The following ZFP3 variants were observed in gnomAD, a reference collection of about 807,000 sequenced individuals.
ZFP3 encodes ZFP3 zinc finger protein.
In ZFP3, 18 loss-of-function variants were observed where a neutral mutation model predicts 36.7. The observed-to-expected ratio is 0.49, with a 90% CI of 0.34 to 0.73. The LOEUF (loss-of-function observed/expected upper bound fraction) is 0.73. Ranked by LOEUF, ZFP3 falls within the 30% of genes least tolerant of loss-of-function variation. The pLI, the probability that ZFP3 is intolerant of heterozygous loss-of-function variation, is 0.01. For synonymous variants in ZFP3, 218 were observed against 199.0 expected, an observed-to-expected ratio of 1.10 and a Z score of -0.81; for missense variants, 495 against 599.0, an observed-to-expected ratio of 0.83 and a Z score of 1.81.
At position 5,093,885 on chromosome 17, in the gene ZFP3, G is replaced by T. The variant is rs2072164948; in HGVS notation, c.*872G>T. 6.0e-6 allele frequency: 1 copy of T among 167,168 alleles called. No homozygotes were observed. Among genetic ancestry groups the T allele is most frequent in the Non-Finnish European group, 1.5e-5 (1 of 68,154 alleles). 10.4% of individuals were successfully genotyped at this position (167,168 alleles called of 1,614,324 possible). A position where few individuals can be genotyped will look rare whatever the true frequency, so the allele number is the denominator to read the frequency against. On this transcript the variant is annotated 3_prime_UTR_variant, in exon 2 of 2. Transcript: ENST00000318833. The stretch of plus-strand genomic sequence containing the variant: ...TAAACAATTGAGGTCACACTGCTCG[G>T]CATGGGCAGAAGCAGCTCTTCAGGA...
intron 1 of ZFP3, among the ~76,000 whole-genome samples, chr17:5,087,675 G>T (rs2072128456): frequency 6.6e-6 from 1 of 152,164 alleles, no homozygotes; most frequent in Non-Finnish European, 1.5e-5. Flanking sequence ...GGAGGGAGTA[G>T]AGGTTACTGG....
intron 1 of ZFP3, among the ~76,000 whole-genome samples, chr17:5,081,076 T>A (rs1296936060): frequency 6.6e-6 from 1 of 151,244 alleles, no homozygotes; most frequent in African/African-American, 2.4e-5. Flanking sequence ...AATCCCAATG[T>A]TTTTTCTGTT....
rs1203908879 is a variant in ZFP3, at chr17:5,093,578, TAGAA to T, written c.*568_*571del. 1 of 166,024 alleles carries T rather than the reference TAGAA, an allele frequency of 6.0e-6. No individual in the cohort carries two copies. Among genetic ancestry groups the T allele is most frequent in the Non-Finnish European group, 1.5e-5 (1 of 68,016 alleles). The allele number at this position is 166,024 out of a possible 1,614,324, so 10.3% of individuals were successfully genotyped here. A position where few individuals can be genotyped will look rare whatever the true frequency, so the allele number is the denominator to read the frequency against. ...CATTGACTGTTACCCCCTGAAATAT[TAGAA>T]AGTCATAATTTAGAAGACACACCTC... On this transcript the variant is annotated 3_prime_UTR_variant, in exon 2 of 2. Coordinates refer to ENST00000318833, the MANE Select transcript of ZFP3 (RefSeq NM_153018.3).
rs1458050129 is a variant in ZFP3 at position 5,078,603 on chromosome 17, G to T, written c.-9+28G>T. ...GAGACCTCATTCCGTCGCGGCTGTG[G>T]GGGTAGGCGGGGGCTGGGCTCCCAG... is the stretch of plus-strand genomic sequence containing the variant. On this transcript the variant is annotated intron_variant, in intron 1 of 1. Coordinates refer to ENST00000318833, the MANE Select transcript of ZFP3 (RefSeq NM_153018.3). This position sits in a 1 kb window ranked among gnomAD's most constrained non-coding sequence, Gnocchi z 4.5. 4 of 152,564 alleles carry T rather than the reference G, an allele frequency of 2.6e-5. No homozygotes were observed. The highest frequency in any genetic ancestry group is 1.3e-4 in the Admixed American group (2 of 15,290). 9.5% of individuals were successfully genotyped at this position (152,564 alleles called of 1,614,324 possible).
rs2072119132 is a variant in ZFP3, at chr17:5,086,021, G to A, written c.-8-5476G>A. 2.6e-5 allele frequency among the ~76,000 whole-genome samples: 4 copies of A among 152,188 alleles called. 1 individual carries two copies. On this transcript the variant is annotated intron_variant, in intron 1 of 1. Coordinates refer to ENST00000318833, the MANE Select transcript of ZFP3 (RefSeq NM_153018.3). ...GAAGATAGCTAAATTCTCGACAATG[G>A]ATTCTTACAATTGTATAGATACACA...
At chr17:5,082,320 C>T (rs924065767) in intron 1 of ZFP3, among the ~76,000 whole-genome samples, 7 of 151,958 alleles carry the variant, frequency 4.6e-5, no homozygotes, top group African/African-American at 1.7e-4. Flanking sequence ...GCACTCCAGC[C>T]TGGGCGACAG....
At chr17:5,084,611 A>G (rs559117174) in intron 1 of ZFP3, among the ~76,000 whole-genome samples, 1 of 152,224 alleles carries the variant, frequency 6.6e-6, no homozygotes, top group South Asian at 2.1e-4. Context: ...CCTTGGGTGC[A>G]TTGAAAAGAC....
At chr17:5,088,940 GA>G (rs1357569253) in intron 1 of ZFP3, among the ~76,000 whole-genome samples, 1 of 152,146 alleles carries the variant, frequency 6.6e-6, no homozygotes, top group African/African-American at 2.4e-5. Flanking sequence ...CACTTTCACT[GA>G]CGGGAGGATT....
chr17:5,090,725 C>T (rs1257652222), intron 1 of ZFP3, among the ~76,000 whole-genome samples: 3 of 152,034 alleles, frequency 2.0e-5, no homozygotes, highest in Non-Finnish European at 2.9e-5. Context: ...GCCTGGAGTG[C>T]AGTGGTGCAG....
rs563833815 is a variant in ZFP3, at chr17:5,092,770, A to G, written c.1266A>G (p.Gln422=). ...TTCATACTGGAGAGAAACCCCATCA[A>G]TGTAATGAGTGTGCAAGAACCTTTT... ...QRIHTGEKPH[Q]CNECARTFWD... is the part of the protein sequence containing the mutation. The change falls in exon 2 of 2, where the codon CAA becomes CAG. Residue 422 remains glutamine, a synonymous_variant. Transcript: ENST00000318833. The surrounding 1 kb of genome is among the most constrained non-coding windows in gnomAD (Gnocchi z 5.0). 3.2e-5 allele frequency: 52 copies of G among 1,614,188 alleles called. No individual in the cohort carries two copies. The South Asian group carries it at 5.2e-4, about 16-fold the overall frequency.
chr17:5,084,931 G>A (rs1036273597), intron 1 of ZFP3, among the ~76,000 whole-genome samples: 1 of 152,190 alleles, frequency 6.6e-6, no homozygotes, highest in Non-Finnish European at 1.5e-5. Context: ...GCTTTGATTT[G>A]TATTTGAGAA....
In ZFP3 at chr17:5,095,927, A is replaced by C. The variant is rs1227104656; in HGVS notation, c.*2914A>C. On this transcript the variant is annotated 3_prime_UTR_variant, in exon 2 of 2. Transcript: ENST00000318833. The stretch of plus-strand genomic sequence containing the variant: ...GAGGTCTCACGTCTCATTCCCAGAA[A>C]AGTCTACCATATATAGATACATATT... 1 of 166,448 alleles carries C rather than the reference A, an allele frequency of 6.0e-6. No individual in the cohort carries two copies. Among genetic ancestry groups the C allele is most frequent in the Non-Finnish European group, 1.5e-5 (1 of 68,102 alleles). The allele number at this position is 166,448 out of a possible 1,614,324, so 10.3% of individuals were successfully genotyped here.
intron 1 of ZFP3, among the ~76,000 whole-genome samples, chr17:5,089,645 A>T (rs2072139433): frequency 6.6e-6 from 1 of 151,872 alleles, no homozygotes; most frequent in African/African-American, 2.4e-5. Context: ...TTAAAAAGGT[A>T]CTCTCCTCCC....
At chr17:5,083,585 C>T (rs1203847824) in intron 1 of ZFP3, among the ~76,000 whole-genome samples, 1 of 151,070 alleles carries the variant, frequency 6.6e-6, no homozygotes, top group African/African-American at 2.4e-5. Flanking sequence ...GGTTTTCAAA[C>T]CTGGCTGGGC....
chr17:5,081,122 G>A (rs1384473257), intron 1 of ZFP3, among the ~76,000 whole-genome samples: 1 of 148,198 alleles, frequency 6.7e-6, no homozygotes, highest in Non-Finnish European at 1.5e-5. Context: ...TTTTGAGATG[G>A]AGTCTCACTC....
intron 1 of ZFP3, among the ~76,000 whole-genome samples, chr17:5,082,220 G>A (rs12941688): frequency 0.16 from 24,209 of 151,554 alleles, 2,630 homozygotes; most frequent in South Asian, 0.49. Flanking sequence ...GGTGGTGGGC[G>A]TGTGTAATCC....
At chr17:5,081,165 A>G (rs1037095596) in intron 1 of ZFP3, among the ~76,000 whole-genome samples, 3 of 148,212 alleles carry the variant, frequency 2.0e-5, no homozygotes, top group Admixed American at 6.8e-5. Context: ...ATTTTGGCTC[A>G]CTGCAAGCTC....
chr17:5,091,937 G>C lies in ZFP3; in HGVS notation c.433G>C (p.Glu145Gln). 6.2e-7 allele frequency: 1 copy of C among 1,614,194 alleles called. No homozygotes were observed. The highest frequency in any genetic ancestry group is 8.5e-7 in the Non-Finnish European group (1 of 1,180,034). ...SVGEKPHTCK[E>Q]CGKAFNQNSH... is the part of the protein sequence containing the mutation. ...GGGAGAAAAGCCTCATACATGTAAAGAATGTGGGAAAGCCTTTAATCAGAA... is the reference window on the plus strand; with the variant it reads ...GGGAGAAAAGCCTCATACATGTAAACAATGTGGGAAAGCCTTTAATCAGAA... The change falls in exon 2 of 2, where the codon GAA becomes CAA. Residue 145 changes from glutamate (E) to glutamine (Q), a missense_variant. Glu to Gln is a conservative substitution (Grantham distance 29). This residue lies in a region of ZFP3 where 229 missense variants were observed against 233.8 expected (regional missense o/e 0.98). Transcript: ENST00000318833.
Position 5,095,233 on chromosome 17 carries a change from G to C in ZFP3, c.*2220G>C, listed in dbSNP as rs528598452. On this transcript the variant is annotated 3_prime_UTR_variant, in exon 2 of 2. Transcript: ENST00000318833. ...GTTTATATCCTTGGCTTGAGAAAAG[G>C]GTTGTACAAATAGATGATTGCAGAG... 6.0e-6 allele frequency: 1 copy of C among 167,150 alleles called. No individual in the cohort carries two copies. The highest frequency in any genetic ancestry group is 2.1e-4 in the South Asian group (1 of 4,820). 10.4% of individuals were successfully genotyped at this position (167,150 alleles called of 1,614,324 possible).
Sources: gnomAD v4.1 joint callset for allele counts (sites outside exome capture counted in the v4.1 genomes callset) on GRCh38, gnomAD v4.1.1 for gene constraint, gnomAD v4.1.1 regional missense constraint, Gnocchi (gnomAD v3.1) non-coding constraint, MANE v1.5 for transcripts, NCBI Gene and HGNC (gene_info 2026-07-23, HGNC 2026-07-21) for gene names.